Variants in TENM3 observed in about 807,000 individuals in gnomAD.
TENM3 encodes the protein teneurin transmembrane protein 3, also known as teneurin-3.
A neutral mutation model predicts 255.1 loss-of-function variants in TENM3; 63 were observed. That is an observed-to-expected ratio of 0.25 (90% CI 0.20 to 0.30). TENM3 has a LOEUF of 0.30. Among genes scored for constraint, TENM3 ranks in the 10% least tolerant of loss-of-function variants. TENM3 has a pLI of 1.00. For synonymous variants in TENM3, 1,306 were observed against 1,322.3 expected, an observed-to-expected ratio of 0.99 and a Z score of 0.27; for missense variants, 2,929 against 3,461.1, an observed-to-expected ratio of 0.85 and a Z score of 3.86.
the TENM3 span, among the ~76,000 whole-genome samples, chr4:181,847,003 C>G: frequency 6.2e-4 from 95 of 152,326 alleles, 2 homozygotes; most frequent in East Asian, 0.015. Context: ...GTCCCATCCC[C>G]TAGGCCCTGT....
the TENM3 span, among the ~76,000 whole-genome samples, chr4:181,609,086 G>A: frequency 6.6e-6 from 1 of 152,074 alleles, no homozygotes; most frequent in Non-Finnish European, 1.5e-5. Flanking sequence ...GACAGGAAAG[G>A]AGAAAGGAAG....
the TENM3 span, among the ~76,000 whole-genome samples, chr4:181,613,092 A>T: frequency 6.6e-6 from 1 of 152,182 alleles, no homozygotes; most frequent in African/African-American, 2.4e-5. Context: ...AAAAACTCTA[A>T]GAGAATTCAC....
chr4:181,729,503 G>A, the TENM3 span, among the ~76,000 whole-genome samples: 1 of 152,252 alleles, frequency 6.6e-6, no homozygotes, highest in South Asian at 2.1e-4. Flanking sequence ...CAGCCAGGTT[G>A]TTTTTATTTG....
At chr4:182,093,520 C>T in the TENM3 span, among the ~76,000 whole-genome samples, 1 of 152,182 alleles carries the variant, frequency 6.6e-6, no homozygotes, top group Non-Finnish European at 1.5e-5. Flanking sequence ...GATAGGAACA[C>T]GTGTGCAGGA....
chr4:182,602,789 C>T (rs958351913), intron 4 of TENM3, among the ~76,000 whole-genome samples: 1 of 152,022 alleles, frequency 6.6e-6, no homozygotes, highest in Non-Finnish European at 1.5e-5. Flanking sequence ...ACACACTGAA[C>T]AGCTAATCAA....
chr4:182,115,346 C>A, the TENM3 span, among the ~76,000 whole-genome samples: 1 of 152,132 alleles, frequency 6.6e-6, no homozygotes, highest in Non-Finnish European at 1.5e-5. Flanking sequence ...GGAGTCCCCA[C>A]CCTTGAAAAA....
At chr4:182,674,936 G>A (rs910431218) in intron 7 of TENM3, among the ~76,000 whole-genome samples, 33 of 151,986 alleles carry the variant, frequency 2.2e-4, no homozygotes, top group African/African-American at 7.7e-4. Context: ...GAGTGCGATG[G>A]CATGATCTCG....
chr4:181,562,378 G>A, the TENM3 span, among the ~76,000 whole-genome samples: 2 of 151,876 alleles, frequency 1.3e-5, no homozygotes, highest in Admixed American at 1.3e-4. Flanking sequence ...ATCAGCTAAG[G>A]AATAAAATAC....
At chr4:181,838,285 T>G in the TENM3 span, among the ~76,000 whole-genome samples, 580 of 152,354 alleles carry the variant, frequency 3.8e-3, 5 homozygotes, top group African/African-American at 0.014. Flanking sequence ...AATATTTGAT[T>G]TAGGATCTTC....
intron 4 of TENM3, among the ~76,000 whole-genome samples, chr4:182,613,281 T>C (rs1313623698): frequency 6.6e-6 from 1 of 152,164 alleles, no homozygotes; most frequent in Non-Finnish European, 1.5e-5. Context: ...TAATACAAGT[T>C]TGTACACTTG....
chr4:181,712,205 T>C, the TENM3 span, among the ~76,000 whole-genome samples: 9 of 152,168 alleles, frequency 5.9e-5, no homozygotes, highest in Non-Finnish European at 1.3e-4. Flanking sequence ...GGCCCTTATA[T>C]GGCTTGGATC....
At chr4:181,492,802 AC>A in the TENM3 span, among the ~76,000 whole-genome samples, 2 of 152,116 alleles carry the variant, frequency 1.3e-5, no homozygotes, top group Non-Finnish European at 2.9e-5. Flanking sequence ...GATTAGATAA[AC>A]TTTAGTTCTC....
Position 182,665,248 on chromosome 4 carries a change from A to G in TENM3, c.1112-7757A>G, listed in dbSNP as rs145688903. ...GCTAATTCTACTCTGCCTGTGCTCTATAAATGGAACAACAAAGCCTGGATG... is the reference window on the plus strand; with the variant it reads ...GCTAATTCTACTCTGCCTGTGCTCTGTAAATGGAACAACAAAGCCTGGATG... On this transcript the variant is annotated intron_variant, in intron 6 of 27. Transcript: ENST00000511685. 3.2e-3 allele frequency among the ~76,000 whole-genome samples: 488 copies of G among 152,330 alleles called. 7 individuals carry two copies. The highest frequency in any genetic ancestry group is 0.011 in the African/African-American group (471 of 41,568).
At chr4:182,790,296 C>G (rs1766000464) in intron 25 of TENM3, among the ~76,000 whole-genome samples, 1 of 152,166 alleles carries the variant, frequency 6.6e-6, no homozygotes, top group African/African-American at 2.4e-5. Flanking sequence ...TACTGTTCCA[C>G]CCCTCCTGAC....
chr4:182,571,732 A>G (rs1333039842), intron 3 of TENM3, among the ~76,000 whole-genome samples: 1 of 151,916 alleles, frequency 6.6e-6, no homozygotes, highest in African/African-American at 2.4e-5. Context: ...AAATAATTAT[A>G]TAAGAAACCA....
At chr4:182,465,565 A>G (rs1732507761) in intron 3 of TENM3, among the ~76,000 whole-genome samples, 1 of 152,278 alleles carries the variant, frequency 6.6e-6, no homozygotes, top group Admixed American at 6.5e-5. Flanking sequence ...TAGCGGCCGG[A>G]TCTAAAATAT....
chr4:182,391,092 TG>T (rs149682613), intron 3 of TENM3, among the ~76,000 whole-genome samples: 232 of 152,340 alleles, frequency 1.5e-3, no homozygotes, highest in African/African-American at 5.5e-3. Context: ...ATTTTTAGCA[TG>T]GAAAACAAAT....
chr4:182,054,968 C>T, the TENM3 span, among the ~76,000 whole-genome samples: 8 of 152,196 alleles, frequency 5.3e-5, no homozygotes, highest in East Asian at 1.9e-4. Context: ...AGTTTATCTG[C>T]GAGCCTATTC....
chr4:182,543,321 A>G (rs1189006290), intron 3 of TENM3, among the ~76,000 whole-genome samples: 1 of 152,186 alleles, frequency 6.6e-6, no homozygotes, highest in Non-Finnish European at 1.5e-5. Flanking sequence ...TATTTGAACA[A>G]ATTCAATAGG....
Sources: allele counts gnomAD v4.1 joint callset (sites outside exome capture counted in the v4.1 genomes callset), GRCh38; gene constraint gnomAD v4.1.1; transcripts MANE v1.5; gene names NCBI Gene and HGNC (gene_info 2026-07-23, HGNC 2026-07-21).